NTNG1: variants seen among roughly 807,000 people sequenced by gnomAD.
The protein encoded by NTNG1 is netrin G1, also known as netrin-G1.
In NTNG1, 16 loss-of-function variants were observed where a neutral mutation model predicts 54.0. The observed-to-expected ratio is 0.30, with a 90% CI of 0.20 to 0.45. The LOEUF (loss-of-function observed/expected upper bound fraction) is 0.45. Among genes scored for constraint, NTNG1 ranks in the 20% least tolerant of loss-of-function variants. The pLI, the probability that NTNG1 is intolerant of heterozygous loss-of-function variation, is 1.00. For missense variants in NTNG1, 530 were observed against 678.7 expected, an observed-to-expected ratio of 0.78 and a Z score of 2.43; for synonymous variants, 255 against 263.1, an observed-to-expected ratio of 0.97 and a Z score of 0.30.
chr1:107,389,880 C>T (rs536124505), intron 3 of NTNG1, among the ~76,000 whole-genome samples: 23 of 152,260 alleles, frequency 1.5e-4, no homozygotes, highest in African/African-American at 5.1e-4. Flanking sequence ...GATAAATAGA[C>T]GTGGGAGCTG....
intron 3 of NTNG1, among the ~76,000 whole-genome samples, chr1:107,333,015 G>A (rs1361350235): frequency 6.6e-6 from 1 of 151,922 alleles, no homozygotes; most frequent in African/African-American, 2.4e-5. Context: ...TGGATGGAAA[G>A]GCTTTGAATA....
chr1:107,402,778 G>T (rs963917688), intron 4 of NTNG1, among the ~76,000 whole-genome samples: 2 of 152,048 alleles, frequency 1.3e-5, no homozygotes, highest in African/African-American at 2.4e-5. Context: ...CATTATCTGC[G>T]TTTTCTTCAA....
intron 2 of NTNG1, among the ~76,000 whole-genome samples, chr1:107,219,127 G>T (rs4915030): frequency 0.85 from 125,546 of 147,316 alleles, 54,739 homozygotes; most frequent in East Asian, 0.98. Flanking sequence ...TTTTTTTTTT[G>T]TCTTTAATAG....
intron 5 of NTNG1, among the ~76,000 whole-genome samples, chr1:107,417,663 A>G (rs2101214595): frequency 6.6e-6 from 1 of 152,210 alleles, no homozygotes; most frequent in African/African-American, 2.4e-5. Flanking sequence ...GCCAAGAGCC[A>G]TCCTTATGGA....
chr1:107,277,374 G>A (rs964705932), intron 2 of NTNG1, among the ~76,000 whole-genome samples: 4 of 152,104 alleles, frequency 2.6e-5, no homozygotes, highest in Non-Finnish European at 5.9e-5. Flanking sequence ...TGAGGCAGTA[G>A]GGAATGTCCT....
intron 6 of NTNG1, among the ~76,000 whole-genome samples, 199 bp downstream of exon 6, chr1:107,431,116 C>G (rs1443778118): frequency 6.6e-6 from 1 of 151,998 alleles, no homozygotes. Context: ...ACTTTGAACC[C>G]TTATGTTGTT....
chr1:107,173,440 G>A (rs1042650123), intron 2 of NTNG1, among the ~76,000 whole-genome samples: 2 of 152,062 alleles, frequency 1.3e-5, no homozygotes, highest in Non-Finnish European at 2.9e-5. Context: ...CTTGAGGCAG[G>A]GAAGAAGTAA....
chr1:107,260,286 A>G (rs1663225230), intron 2 of NTNG1, among the ~76,000 whole-genome samples: 1 of 152,230 alleles, frequency 6.6e-6, no homozygotes, highest in South Asian at 2.1e-4. Context: ...AACTCTAAAG[A>G]GGCTTTGGCG....
At chr1:107,298,669 A>G (rs1666129774) in intron 2 of NTNG1, among the ~76,000 whole-genome samples, 1 of 152,182 alleles carries the variant, frequency 6.6e-6, no homozygotes, top group Admixed American at 6.6e-5. Flanking sequence ...GATGCAATCA[A>G]TAGTGTCCTA....
intron 2 of NTNG1, among the ~76,000 whole-genome samples, chr1:107,154,144 G>A (rs1654789135): frequency 6.6e-6 from 1 of 152,148 alleles, no homozygotes; most frequent in African/African-American, 2.4e-5. Context: ...ATACAAAGTA[G>A]TGTGTATACA....
chr1:107,350,151 A>G (rs1570738629), intron 3 of NTNG1, among the ~76,000 whole-genome samples: 1 of 152,172 alleles, frequency 6.6e-6, no homozygotes, highest in Admixed American at 6.5e-5. Context: ...ACTGATGAAG[A>G]TAGAAGCTCT....
intron 2 of NTNG1, among the ~76,000 whole-genome samples, chr1:107,235,296 T>C (rs1661331594): frequency 6.6e-6 from 1 of 151,800 alleles, no homozygotes; most frequent in Non-Finnish European, 1.5e-5. Flanking sequence ...CACTGGACTT[T>C]TTGGATCCAT....
At chr1:107,389,394 C>T (rs1362288530) in intron 3 of NTNG1, among the ~76,000 whole-genome samples, 2 of 151,824 alleles carry the variant, frequency 1.3e-5, no homozygotes, top group African/African-American at 2.4e-5. Context: ...AGATAACAGG[C>T]TTCCCAGAAT....
At chr1:107,284,480 T>G (rs1665069996) in intron 2 of NTNG1, among the ~76,000 whole-genome samples, 1 of 152,150 alleles carries the variant, frequency 6.6e-6, no homozygotes, top group South Asian at 2.1e-4. Flanking sequence ...TGATGTTTTA[T>G]TTGTAAATCT....
chr1:107,469,134 T>C (rs375242465), intron 7 of NTNG1, among the ~76,000 whole-genome samples: 6 of 150,070 alleles, frequency 4.0e-5, no homozygotes, highest in African/African-American at 1.5e-4. Flanking sequence ...GGAGCGTTCC[T>C]GATCTTTTAT....
chr1:107,215,094 G>C (rs984785012), intron 2 of NTNG1, among the ~76,000 whole-genome samples: 3 of 152,012 alleles, frequency 2.0e-5, no homozygotes, highest in Non-Finnish European at 2.9e-5. Context: ...TGTTTACTCT[G>C]ATGATTATTT....
At chr1:107,436,055 A>G (rs1570956953) in intron 6 of NTNG1, among the ~76,000 whole-genome samples, 1 of 152,214 alleles carries the variant, frequency 6.6e-6, no homozygotes. Context: ...ATTTGGGGTT[A>G]CAAAGTTTAT....
At chr1:107,272,863 T>C (rs1664232578) in intron 2 of NTNG1, among the ~76,000 whole-genome samples, 1 of 152,238 alleles carries the variant, frequency 6.6e-6, no homozygotes, top group South Asian at 2.1e-4. Flanking sequence ...GTACAAATGC[T>C]TAAGCAGCTT....
intron 2 of NTNG1, among the ~76,000 whole-genome samples, chr1:107,311,810 A>G (rs1667032938): frequency 6.6e-6 from 1 of 152,194 alleles, no homozygotes; most frequent in Admixed American, 6.5e-5. Context: ...TACAAAAAAA[A>G]TCACAATTTT....
Sources: gnomAD v4.1 joint callset for allele counts (sites outside exome capture counted in the v4.1 genomes callset) on GRCh38, gnomAD v4.1.1 for gene constraint, MANE v1.5 for transcripts, NCBI Gene and HGNC (gene_info 2026-07-23, HGNC 2026-07-21) for gene names.